The following BABAM2 variants were observed in gnomAD, a reference collection of about 807,000 sequenced individuals.
BABAM2 encodes the protein BRISC and BRCA1 A complex member 2.
In BABAM2, 31 loss-of-function variants were observed where a neutral mutation model predicts 54.7. The observed-to-expected ratio is 0.57, with a 90% CI of 0.43 to 0.77. The LOEUF (loss-of-function observed/expected upper bound fraction) is 0.77, where lower values mean the gene tolerates loss of function less well. Among genes scored for constraint, BABAM2 ranks in the 30% least tolerant of loss-of-function variants. The pLI is 0.00. For missense variants in BABAM2, 364 were observed against 455.8 expected (o/e 0.80, Z 1.83); for synonymous variants, 167 against 162.9 (o/e 1.03, Z -0.19).
intron 7 of BABAM2, among the ~76,000 whole-genome samples, chr2:28,195,856 A>G (rs1174903389): frequency 2.0e-5 from 3 of 152,256 alleles, no homozygotes; most frequent in Admixed American, 2.0e-4. Flanking sequence ...CCTAATGCAC[A>G]TATAAAATAT....
chr2:28,334,225 T>C (rs1362364286), intron 11 of BABAM2, among the ~76,000 whole-genome samples: 2 of 152,270 alleles, frequency 1.3e-5, no homozygotes, highest in Non-Finnish European at 2.9e-5. Flanking sequence ...TGCTCCCTTC[T>C]GTGTAAGGAG....
chr2:28,320,014 CTG>C (rs144279995), intron 11 of BABAM2, among the ~76,000 whole-genome samples: 3,693 of 152,208 alleles, frequency 0.024, 63 homozygotes, highest in South Asian at 0.051. Context: ...CTGGAGAAGA[CTG>C]TGATGAACTC....
intron 7 of BABAM2, among the ~76,000 whole-genome samples, chr2:28,151,152 T>A (rs749896711): frequency 7.9e-5 from 12 of 152,078 alleles, no homozygotes; most frequent in Non-Finnish European, 1.5e-4. Context: ...ATATATGAGG[T>A]TTTTAATTTC....
chr2:28,185,849 C>T (rs1676225153), intron 7 of BABAM2, among the ~76,000 whole-genome samples: 1 of 152,082 alleles, frequency 6.6e-6, no homozygotes, highest in Non-Finnish European at 1.5e-5. Context: ...GGCTAAGGAT[C>T]ACTTGAGCCC....
At chr2:27,981,613 CAATAAGT>C (rs1196113565) in intron 3 of BABAM2, among the ~76,000 whole-genome samples, 1 of 152,098 alleles carries the variant, frequency 6.6e-6, no homozygotes, top group Admixed American at 6.6e-5. Flanking sequence ...AATAATAATA[CAATAAGT>C]AGCCTTTTGT....
intron 2 of BABAM2, among the ~76,000 whole-genome samples, chr2:27,921,996 T>C (rs2148332343): frequency 6.6e-6 from 1 of 152,290 alleles, no homozygotes; most frequent in Non-Finnish European, 1.5e-5. Flanking sequence ...AGCAAACCTT[T>C]ATCCTCCTAC....
Position 28,330,816 on chromosome 2 carries a change from G to T in BABAM2, c.1089-7634G>T, listed in dbSNP as rs566816220. 1.5e-4 allele frequency among the ~76,000 whole-genome samples: 23 copies of T among 152,228 alleles called. 1 individual carries two copies. The South Asian group carries it at 4.6e-3, about 30-fold the overall frequency. On this transcript the variant is annotated intron_variant, in intron 11 of 11. Transcript: ENST00000379624. ...TAAACTACCATGGACATTCTTCACA[G>T]AATTTTTTTAAAAATTCTACATTAA...
At chr2:28,082,155 A>G (rs1035917883) in intron 6 of BABAM2, among the ~76,000 whole-genome samples, 5 of 152,212 alleles carry the variant, frequency 3.3e-5, no homozygotes, top group South Asian at 2.1e-4. Flanking sequence ...ATTCACCCTG[A>G]TATCAGTAAT....
intron 10 of BABAM2, among the ~76,000 whole-genome samples, chr2:28,254,728 ATTTT>A (rs759661036): frequency 2.5e-5 from 3 of 122,384 alleles, no homozygotes; most frequent in Middle Eastern, 4.4e-3. Context: ...TTTTTTTTCA[ATTTT>A]TTTTTTTTTT....
At chr2:28,310,855 G>T (rs1340885833) in intron 11 of BABAM2, among the ~76,000 whole-genome samples, 5 of 152,072 alleles carry the variant, frequency 3.3e-5, no homozygotes, top group Non-Finnish European at 7.4e-5. Context: ...CTGCACTCCT[G>T]CCAGGGTGAC....
At chr2:28,073,563 T>C (rs1033533373) in intron 6 of BABAM2, among the ~76,000 whole-genome samples, 4 of 152,174 alleles carry the variant, frequency 2.6e-5, no homozygotes, top group African/African-American at 9.7e-5. Context: ...TTGTAAAAAA[T>C]GTATGAATGC....
intron 6 of BABAM2, among the ~76,000 whole-genome samples, chr2:28,056,158 C>T (rs765971505): frequency 2.6e-5 from 4 of 152,062 alleles, no homozygotes; most frequent in Non-Finnish European, 4.4e-5. Context: ...ACGAAGAGCA[C>T]CTGTGTAGGA....
intron 11 of BABAM2, among the ~76,000 whole-genome samples, chr2:28,337,169 T>C (rs1691540318): frequency 1.3e-5 from 2 of 152,054 alleles, no homozygotes; most frequent in Admixed American, 6.5e-5. Flanking sequence ...TGGGTGTCGG[T>C]GGGGCAGGGC....
chr2:28,247,169 AT>A (rs1341491575), intron 10 of BABAM2, among the ~76,000 whole-genome samples: 10 of 151,988 alleles, frequency 6.6e-5, no homozygotes, highest in African/African-American at 2.4e-4. Flanking sequence ...TGGAGCTCTT[AT>A]TCCTGTACTC....
At chr2:28,244,997 G>A in intron 10 of BABAM2, 135 bp downstream of exon 10, 2 of 645,694 alleles carry the variant, frequency 3.1e-6, no homozygotes, top group East Asian at 3.2e-5. Flanking sequence ...ATTTATTGTG[G>A]GATATTAAGG....
At chr2:28,323,367 C>T (rs1201745061) in intron 11 of BABAM2, among the ~76,000 whole-genome samples, 1 of 152,222 alleles carries the variant, frequency 6.6e-6, no homozygotes. Context: ...CTTGTGAAGG[C>T]TCTTGCCTCT....
chr2:28,205,991 T>C (rs1678805541), intron 7 of BABAM2, among the ~76,000 whole-genome samples: 3 of 152,164 alleles, frequency 2.0e-5, no homozygotes, highest in Admixed American at 2.0e-4. Context: ...CAAGTAGGAA[T>C]TAGGAAGGCT....
intron 5 of BABAM2, among the ~76,000 whole-genome samples, chr2:28,026,426 C>T (rs193095644): frequency 4.6e-5 from 7 of 151,990 alleles, no homozygotes; most frequent in African/African-American, 1.7e-4. Flanking sequence ...GTTCATGTCC[C>T]TTGCAGGGAC....
At chr2:27,980,043 G>A (rs1338943086) in intron 3 of BABAM2, among the ~76,000 whole-genome samples, 2 of 152,154 alleles carry the variant, frequency 1.3e-5, no homozygotes, top group Non-Finnish European at 2.9e-5. Context: ...CTGTTGATGT[G>A]CATTTTGAAA....
Sources: gnomAD v4.1 joint callset for allele counts (sites outside exome capture counted in the v4.1 genomes callset) on GRCh38, gnomAD v4.1.1 for gene constraint, MANE v1.5 for transcripts, NCBI Gene and HGNC (gene_info 2026-07-23, HGNC 2026-07-21) for gene names.